The following NOL4L variants were observed in gnomAD, a reference collection of about 807,000 sequenced individuals.
NOL4L encodes the protein nucleolar protein 4-like.
Under a neutral mutation model 64.5 loss-of-function variants are expected in NOL4L, and 7 were observed. The observed-to-expected ratio is 0.11, with a 90% CI of 0.06 to 0.20. The LOEUF (loss-of-function observed/expected upper bound fraction) is 0.20, where lower values mean the gene tolerates loss of function less well. Among genes scored for constraint, NOL4L ranks in the 10% least tolerant of loss-of-function variants. NOL4L has a pLI of 1.00. For missense variants in NOL4L, 680 were observed against 967.1 expected (o/e 0.70, Z 3.94); for synonymous variants, 413 against 401.0 (o/e 1.03, Z -0.36).
intron 4 of NOL4L, among the ~76,000 whole-genome samples, chr20:32,499,101 A>C (rs2016814103): frequency 6.6e-6 from 1 of 151,874 alleles, no homozygotes; most frequent in South Asian, 2.1e-4. Flanking sequence ...CTGGTCTCAA[A>C]CTCCTGGCCT....
At chr20:32,532,622 C>T (rs2018384423) in intron 1 of NOL4L, among the ~76,000 whole-genome samples, 1 of 152,190 alleles carries the variant, frequency 6.6e-6, no homozygotes. Context: ...CTTGGGAAGC[C>T]CCTGCCATCC....
chr20:32,447,601 TCTG>T lies in NOL4L; in HGVS notation c.2035_2037del (p.Gln679del). 6.3e-7 allele frequency: 1 copy of T among 1,597,926 alleles called. No homozygotes were observed. Among genetic ancestry groups the T allele is most frequent in the Non-Finnish European group, 8.5e-7 (1 of 1,177,260 alleles). On this transcript the variant is annotated inframe_deletion, in exon 11 of 11. Transcript: ENST00000621426. The stretch of plus-strand genomic sequence containing the variant: ...CGCTCCAGGTGCCGGTGGGGTCAGT[TCTG>T]CTGTAGGATGAGGTTTTCCAGTTCA...
At position 32,481,970 on chromosome 20, in the gene NOL4L, G is replaced by GGT. The variant is rs1006985919; in HGVS notation, c.700-7229_700-7228insAC. 4.0e-5 allele frequency among the ~76,000 whole-genome samples: 6 copies of GGT among 148,734 alleles called. 1 individual carries two copies. The East Asian group carries it at 6.0e-4, about 15-fold the overall frequency. The stretch of plus-strand genomic sequence containing the variant: ...GTGAGTTGGTGGGGCGGGGCGGGGG[G>GGT]GGGGGAGCAGGCTGGGGTTGCCAGC... On this transcript the variant is annotated intron_variant, in intron 4 of 10. Coordinates refer to ENST00000621426, the MANE Select transcript of NOL4L (RefSeq NM_001256798.2).
intron 5 of NOL4L, among the ~76,000 whole-genome samples, chr20:32,462,986 C>T (rs936013863): frequency 1.3e-5 from 2 of 150,676 alleles, no homozygotes; most frequent in Non-Finnish European, 2.9e-5. Context: ...CAGTGGGGCC[C>T]GGGCAGGGAT....
chr20:32,508,733 G>A (rs2017244125), intron 4 of NOL4L, among the ~76,000 whole-genome samples: 1 of 152,172 alleles, frequency 6.6e-6, no homozygotes, highest in African/African-American at 2.4e-5. Flanking sequence ...AGAACACCCT[G>A]GAGACAAATG....
In NOL4L at chr20:32,463,074, G is replaced by T. The variant is rs1232730687; in HGVS notation, c.842-6679C>A. On this transcript the variant is annotated intron_variant, in intron 5 of 10. Coordinates refer to ENST00000621426, the MANE Select transcript of NOL4L (RefSeq NM_001256798.2). This position sits in a 1 kb window ranked among gnomAD's most constrained non-coding sequence, Gnocchi z 5.8. ...TGGGCCTCCTCTTATCTACAGTCCT[G>T]GGAGTTGCCGCTGACGCCCTCCTGG... Among the ~76,000 whole-genome samples the T allele has an allele frequency of 6.6e-6, 1 of 152,046 alleles. No individual in the cohort carries two copies. The highest frequency in any genetic ancestry group is 1.5e-5 in the Non-Finnish European group (1 of 68,004).
chr20:32,571,999 A>C (rs532023017), intron 1 of NOL4L, among the ~76,000 whole-genome samples: 1 of 152,300 alleles, frequency 6.6e-6, no homozygotes, highest in African/African-American at 2.4e-5. Flanking sequence ...TAATATCCCA[A>C]GGTTGGCACC....
chr20:32,447,746 G>A lies in NOL4L; in HGVS notation c.1893C>T (p.Ser631=), dbSNP rs752899897. Residue 631 remains serine, a synonymous_variant, in exon 11 of 11, where the codon AGC becomes AGT. Transcript: ENST00000621426. Reference sequence around the variant, plus strand: ...TGGGCACGGGCCTGCTGGTGCTGGTGCTGGAGGGGGTGGGCGTGGGGGTGG... The same window carrying A: ...TGGGCACGGGCCTGCTGGTGCTGGTACTGGAGGGGGTGGGCGTGGGGGTGG... ...TSTTPTPTPS[S]TSTSRPVPTA... The A allele has an allele frequency of 5.0e-6, 8 of 1,595,466 alleles. No homozygotes were observed. The highest frequency in any genetic ancestry group is 6.8e-6 in the Non-Finnish European group (8 of 1,169,150).
intron 1 of NOL4L, chr20:32,536,357 G>A: frequency 2.0e-6 from 2 of 980,316 alleles, no homozygotes; most frequent in Non-Finnish European, 2.4e-6. Flanking sequence ...CCAGGTGCGG[G>A]CCCCACCCAG....
At chr20:32,568,225 T>C (rs544959705) in intron 1 of NOL4L, among the ~76,000 whole-genome samples, 33 of 152,152 alleles carry the variant, frequency 2.2e-4, no homozygotes, top group South Asian at 4.2e-4. Flanking sequence ...TTCCCCACAA[T>C]ATGCCCTGAA....
rs2017904283 is a variant in NOL4L at position 32,520,791 on chromosome 20, C to T, written c.589+20G>A. The stretch of plus-strand genomic sequence containing the variant: ...TTAGATGGCCCCCGCCCTAGCCCTC[C>T]AGCACGCCACCCCTGCTACCTTTGG... On this transcript the variant is annotated intron_variant, in intron 3 of 10. Coordinates refer to ENST00000621426, the MANE Select transcript of NOL4L (RefSeq NM_001256798.2). 2 of 1,488,954 alleles carry T rather than the reference C, an allele frequency of 1.3e-6. No individual in the cohort carries two copies. The highest frequency in any genetic ancestry group is 1.8e-6 in the Non-Finnish European group (2 of 1,091,336). 92.2% of individuals were successfully genotyped at this position (1,488,954 alleles called of 1,614,324 possible). A position where few individuals can be genotyped will look rare whatever the true frequency, so the allele number is the denominator to read the frequency against.
At chr20:32,550,493 C>A in intron 1 of NOL4L, among the ~76,000 whole-genome samples, 1 of 152,252 alleles carries the variant, frequency 6.6e-6, no homozygotes, top group Non-Finnish European at 1.5e-5. Context: ...CGCCTATAAT[C>A]TCAGAACTTT....
At chr20:32,484,918 G>A (rs1049713748) in intron 4 of NOL4L, among the ~76,000 whole-genome samples, 1 of 151,566 alleles carries the variant, frequency 6.6e-6, no homozygotes, top group African/African-American at 2.4e-5. Flanking sequence ...AGACCCCGAT[G>A]GAGAAAATGG....
chr20:32,494,272 A>C lies in NOL4L; in HGVS notation c.699+17075T>G, dbSNP rs1445518768. Among the ~76,000 whole-genome samples, 8 of 144,058 alleles carry C rather than the reference A, an allele frequency of 5.6e-5. 1 individual carries two copies. Among genetic ancestry groups the C allele is most frequent in the African/African-American group, 1.4e-4 (5 of 36,774 alleles). 94.5% of individuals were successfully genotyped at this position (144,058 alleles called of 152,430 possible). A position where few individuals can be genotyped will look rare whatever the true frequency, so the allele number is the denominator to read the frequency against. ...TCTCGGGAAAAAAAAAAAAAAAAAA[A>C]AAAAAAAAAACACACAACACACACA... On this transcript the variant is annotated intron_variant, in intron 4 of 10. Coordinates refer to ENST00000621426, the MANE Select transcript of NOL4L (RefSeq NM_001256798.2).
At chr20:32,534,881 CAAA>C (rs57677677) in intron 1 of NOL4L, among the ~76,000 whole-genome samples, 6 of 67,872 alleles carry the variant, frequency 8.8e-5, no homozygotes, top group Admixed American at 1.7e-4. Context: ...GACCCCATCT[CAAA>C]AAAAAAAAAA....
rs2013198570 is a variant in NOL4L, at chr20:32,453,901, GCAAGT to G, written c.1120-145_1120-141del. 1 of 718,970 alleles carries G rather than the reference GCAAGT, an allele frequency of 1.4e-6. No individual in the cohort carries two copies. Among genetic ancestry groups the G allele is most frequent in the South Asian group, 1.8e-5 (1 of 56,276 alleles). The allele number at this position is 718,970 out of a possible 1,614,324, so 44.5% of individuals were successfully genotyped here. Reference sequence around the variant, plus strand: ...GAGAGCCATAGCTGCGAGGCCCTGAGCAAGTCACTCCCCTCTTCTGCTCCCTTCAT... The same window carrying G: ...GAGAGCCATAGCTGCGAGGCCCTGAGCACTCCCCTCTTCTGCTCCCTTCAT... On this transcript the variant is annotated intron_variant, in intron 6 of 10. Coordinates refer to ENST00000621426, the MANE Select transcript of NOL4L (RefSeq NM_001256798.2). This position sits in a 1 kb window ranked among gnomAD's most constrained non-coding sequence, Gnocchi z 5.6.
intron 1 of NOL4L, among the ~76,000 whole-genome samples, chr20:32,538,650 C>G (rs1162983307): frequency 2.0e-5 from 3 of 152,140 alleles, no homozygotes; most frequent in African/African-American, 7.2e-5. Flanking sequence ...CTGCTCCACT[C>G]TGGGAGGGCC....
At chr20:32,515,653 G>A (rs566767863) in intron 3 of NOL4L, among the ~76,000 whole-genome samples, 1 of 152,256 alleles carries the variant, frequency 6.6e-6, no homozygotes. Context: ...ACGTGAACAA[G>A]GAAGAAGTGG....
At chr20:32,511,971 C>G (rs1302432635) in intron 3 of NOL4L, among the ~76,000 whole-genome samples, 1 of 152,140 alleles carries the variant, frequency 6.6e-6, no homozygotes, top group Admixed American at 6.5e-5. Context: ...TGTGATGGCA[C>G]CACTGCACTC....
Sources: allele counts gnomAD v4.1 joint callset (sites outside exome capture counted in the v4.1 genomes callset), GRCh38; gene constraint gnomAD v4.1.1; non-coding constraint Gnocchi (gnomAD v3.1); transcripts MANE v1.5; gene names NCBI Gene and HGNC (gene_info 2026-07-23, HGNC 2026-07-21).